Variants in ROR2 observed in about 807,000 individuals in gnomAD.
ROR2 encodes the protein tyrosine-protein kinase transmembrane receptor ROR2.
In ROR2, 33 loss-of-function variants were observed where a neutral mutation model predicts 74.9. The observed-to-expected ratio is 0.44, with a 90% CI of 0.33 to 0.59. The LOEUF is 0.59. Among genes scored for constraint, ROR2 ranks in the 20% least tolerant of loss-of-function variants. The pLI is 0.02. For missense variants in ROR2, 1,216 were observed against 1,313.8 expected (o/e 0.93, Z 1.15); for synonymous variants, 586 against 558.7 (o/e 1.05, Z -0.69).
chr9:91,809,353 T>C (rs1215370475), intron 1 of ROR2, among the ~76,000 whole-genome samples: 1 of 152,244 alleles, frequency 6.6e-6, no homozygotes, highest in Admixed American at 6.5e-5. Flanking sequence ...CCCAACCCTC[T>C]GCCATTGTGA....
At chr9:91,858,964 G>A (rs1829384478) in intron 1 of ROR2, among the ~76,000 whole-genome samples, 1 of 152,164 alleles carries the variant, frequency 6.6e-6, no homozygotes, top group African/African-American at 2.4e-5. Context: ...AGTGCCAGGT[G>A]TCACCGGGGA....
intron 1 of ROR2, among the ~76,000 whole-genome samples, chr9:91,914,560 T>TG (rs1174864037): frequency 6.6e-6 from 1 of 152,166 alleles, no homozygotes; most frequent in African/African-American, 2.4e-5. Flanking sequence ...GGTCACCTTG[T>TG]GGGCACAGTG....
chr9:91,842,583 C>T (rs1820938180), intron 1 of ROR2, among the ~76,000 whole-genome samples: 1 of 152,260 alleles, frequency 6.6e-6, no homozygotes, highest in Non-Finnish European at 1.5e-5. Flanking sequence ...ACAGCACAGC[C>T]AGCCCACTTC....
chr9:91,790,403 G>A (rs1190382473), intron 1 of ROR2, among the ~76,000 whole-genome samples: 1 of 151,548 alleles, frequency 6.6e-6, no homozygotes, highest in Non-Finnish European at 1.5e-5. Context: ...CCAGCTACTC[G>A]GGAGGCTGAG....
chr9:91,948,704 G>A (rs1832077493), intron 1 of ROR2: 2 of 985,488 alleles, frequency 2.0e-6, no homozygotes, highest in Middle Eastern at 5.2e-4. Context: ...CGACTGTCCC[G>A]ATTCTCACCT....
intron 1 of ROR2, among the ~76,000 whole-genome samples, chr9:91,854,140 C>T (rs1829200957): frequency 1.3e-5 from 2 of 152,190 alleles, no homozygotes; most frequent in Non-Finnish European, 2.9e-5. Context: ...CGTCTCAGAG[C>T]TGCCCACCCC....
At chr9:91,822,210 GT>G (rs1343411354) in intron 1 of ROR2, among the ~76,000 whole-genome samples, 1 of 152,210 alleles carries the variant, frequency 6.6e-6, no homozygotes, top group Non-Finnish European at 1.5e-5. Context: ...CCTGGAGCTG[GT>G]TACTGAAGGG....
chr9:91,928,789 G>GTC (rs1373878559), intron 1 of ROR2, among the ~76,000 whole-genome samples: 1 of 152,216 alleles, frequency 6.6e-6, no homozygotes, highest in Non-Finnish European at 1.5e-5. Context: ...CCCCATGATA[G>GTC]TAAGTGGAGG....
rs1012217007 is a variant in ROR2 at position 91,821,539 on chromosome 9, G to C, written c.98-45721C>G. Among the ~76,000 whole-genome samples the C allele has an allele frequency of 2.0e-5, 3 of 151,624 alleles. No individual in the cohort carries two copies. In the East Asian group the frequency reaches 5.8e-4, roughly 29 times the overall value. ...ACTGCCCCATACAGTAGTACCCCCT[G>C]CCCCACAGCTCCCCTCCACAGCCAT... On this transcript the variant is annotated intron_variant, in intron 1 of 8. Transcript: ENST00000375708.
chr9:91,849,209 A>T (rs1829024710), intron 1 of ROR2, among the ~76,000 whole-genome samples: 1 of 152,290 alleles, frequency 6.6e-6, no homozygotes, highest in East Asian at 1.9e-4. Flanking sequence ...ATGTTCCCAC[A>T]AGCTCTTCTT....
At chr9:91,899,793 CCCA>C (rs1458001164) in intron 1 of ROR2, among the ~76,000 whole-genome samples, 1 of 152,092 alleles carries the variant, frequency 6.6e-6, no homozygotes, top group Non-Finnish European at 1.5e-5. Flanking sequence ...CGCCACAATC[CCCA>C]CATGCACTCA....
intron 1 of ROR2, among the ~76,000 whole-genome samples, chr9:91,861,618 A>C (rs1032263983): frequency 1.3e-5 from 2 of 152,224 alleles, no homozygotes; most frequent in African/African-American, 4.8e-5. Context: ...AAAATGCATC[A>C]CAGGCCATGT....
intron 1 of ROR2, among the ~76,000 whole-genome samples, chr9:91,843,367 A>C (rs1828839547): frequency 6.6e-6 from 1 of 152,228 alleles, no homozygotes; most frequent in Admixed American, 6.5e-5. Context: ...GTGCATGACC[A>C]GGTTAAAGAC....
intron 1 of ROR2, among the ~76,000 whole-genome samples, chr9:91,826,791 AAAAG>A (rs1297156270): frequency 7.8e-6 from 1 of 128,044 alleles, no homozygotes; most frequent in Non-Finnish European, 1.7e-5. Flanking sequence ...CTCAAAAAAA[AAAAG>A]AAAAAAGAAA....
At chr9:91,921,995 G>C (rs1831278844) in intron 1 of ROR2, among the ~76,000 whole-genome samples, 1 of 146,298 alleles carries the variant, frequency 6.8e-6, no homozygotes, top group South Asian at 2.2e-4. Context: ...AGCATGAAAA[G>C]ATGTCATCAT....
At chr9:91,725,855 G>C (rs1837010889) in intron 8 of ROR2, among the ~76,000 whole-genome samples, 1 of 152,082 alleles carries the variant, frequency 6.6e-6, no homozygotes, top group Non-Finnish European at 1.5e-5. Flanking sequence ...GCCAGCCCCT[G>C]CCCATAGCAA....
intron 1 of ROR2, among the ~76,000 whole-genome samples, chr9:91,819,487 TGTGTCTCTGC>T (rs1295833745): frequency 6.6e-6 from 1 of 152,098 alleles, no homozygotes; most frequent in African/African-American, 2.4e-5. Context: ...TGTGTATCTT[TGTGTCTCTGC>T]GTGTCTTGGC....
intron 2 of ROR2, among the ~76,000 whole-genome samples, chr9:91,770,457 C>T (rs1194113445): frequency 6.6e-6 from 1 of 152,212 alleles, no homozygotes; most frequent in Non-Finnish European, 1.5e-5. Context: ...GGAGCACACC[C>T]ACTCCAGGGA....
At chr9:91,736,983 GAGAGGATAGA>G (rs1825050489) in intron 5 of ROR2, among the ~76,000 whole-genome samples, 1 of 152,206 alleles carries the variant, frequency 6.6e-6, no homozygotes, top group Non-Finnish European at 1.5e-5. Context: ...ACGTGGCTCA[GAGAGGATAGA>G]AGAGTCAGGA....
Sources: allele counts gnomAD v4.1 joint callset (sites outside exome capture counted in the v4.1 genomes callset), GRCh38; gene constraint gnomAD v4.1.1; transcripts MANE v1.5; gene names NCBI Gene and HGNC (gene_info 2026-07-23, HGNC 2026-07-21).